The following ERBB4 variants were observed in gnomAD, a reference collection of about 807,000 sequenced individuals.
The protein encoded by ERBB4 is receptor tyrosine-protein kinase erbB-4.
A neutral mutation model predicts 158.0 loss-of-function variants in ERBB4; 42 were observed. The observed-to-expected ratio is 0.27, with a 90% CI of 0.21 to 0.34. ERBB4 has a LOEUF of 0.34. Ranked by LOEUF, ERBB4 falls within the 10% of genes least tolerant of loss-of-function variation. The pLI, the probability that ERBB4 is intolerant of heterozygous loss-of-function variation, is 1.00. For synonymous variants in ERBB4, 583 were observed against 558.7 expected (o/e 1.04, Z -0.61); for missense variants, 1,333 against 1,624.1 (o/e 0.82, Z 3.08).
chr2:211,447,089 T>G (rs2064129501), intron 20 of ERBB4, among the ~76,000 whole-genome samples: 1 of 152,172 alleles, frequency 6.6e-6, no homozygotes, highest in Non-Finnish European at 1.5e-5. Context: ...CAAAAATCAG[T>G]GGGTTTCTTT....
chr2:211,734,933 ACG>A, intron 5 of ERBB4, among the ~76,000 whole-genome samples: 1 of 139,340 alleles, frequency 7.2e-6, no homozygotes, highest in South Asian at 2.2e-4. Context: ...AAAAAAAAAG[ACG>A]GATTGTTCTC....
At position 211,679,129 on chromosome 2, in the gene ERBB4, A is replaced by G. The variant is rs2105959740; in HGVS notation, c.1545T>C (p.Pro515=). ...HLCSSDGCWG[P]GPDQCLSCRR... ...GACACGACAGACATTGGTCTGGCCCAGGTCCCCAACAGCCATCACTGGAAC... is the reference window on the plus strand; with the variant it reads ...GACACGACAGACATTGGTCTGGCCCGGGTCCCCAACAGCCATCACTGGAAC... Residue 515 remains proline, a synonymous_variant, in exon 13 of 28, where the codon CCT becomes CCC. Coordinates refer to ENST00000342788, the MANE Select transcript of ERBB4 (RefSeq NM_005235.3). 6.2e-7 allele frequency: 1 copy of G among 1,614,032 alleles called. No homozygotes were observed. The highest frequency in any genetic ancestry group is 8.5e-7 in the Non-Finnish European group (1 of 1,179,952).
At chr2:211,967,814 A>T (rs960000360) in intron 2 of ERBB4, among the ~76,000 whole-genome samples, 3 of 151,962 alleles carry the variant, frequency 2.0e-5, no homozygotes, top group Admixed American at 2.0e-4. Flanking sequence ...CATTAGTTAA[A>T]ATTCTGCAGG....
At chr2:211,584,522 A>G (rs2068204955) in intron 19 of ERBB4, among the ~76,000 whole-genome samples, 2 of 152,096 alleles carry the variant, frequency 1.3e-5, no homozygotes, top group Admixed American at 1.3e-4. Context: ...TGGTTTCTTG[A>G]TCCGTGAAAA....
chr2:212,198,601 G>A (rs1012769269), intron 1 of ERBB4, among the ~76,000 whole-genome samples: 3 of 152,090 alleles, frequency 2.0e-5, no homozygotes, highest in African/African-American at 7.2e-5. Flanking sequence ...TTTAGCTGGA[G>A]TCTTGCTCTG....
At chr2:211,477,343 CAT>C (rs1179659397) in intron 20 of ERBB4, among the ~76,000 whole-genome samples, 1 of 152,068 alleles carries the variant, frequency 6.6e-6, no homozygotes, top group Non-Finnish European at 1.5e-5. Context: ...CACATACTAA[CAT>C]ACACACATTT....
intron 12 of ERBB4, among the ~76,000 whole-genome samples, chr2:211,696,940 G>A (rs2073046082): frequency 6.6e-6 from 1 of 152,178 alleles, no homozygotes; most frequent in South Asian, 2.1e-4. Flanking sequence ...AAAGTGCTGG[G>A]ATTACAGGCG....
chr2:211,735,144 T>A (rs2074563061), intron 5 of ERBB4, among the ~76,000 whole-genome samples: 1 of 151,704 alleles, frequency 6.6e-6, no homozygotes, highest in South Asian at 2.1e-4. Flanking sequence ...TATAAAAAAA[T>A]GTAGGTTGAG....
At chr2:211,847,583 C>G (rs1309643888) in intron 3 of ERBB4, among the ~76,000 whole-genome samples, 1 of 152,100 alleles carries the variant, frequency 6.6e-6, no homozygotes, top group Non-Finnish European at 1.5e-5. Flanking sequence ...CCCAGAACAG[C>G]TTTGAATGTG....
At chr2:212,192,022 T>TTA (rs767324608) in intron 1 of ERBB4, among the ~76,000 whole-genome samples, 2 of 52,900 alleles carry the variant, frequency 3.8e-5, no homozygotes, top group African/African-American at 1.8e-4. Context: ...ATGTTATATG[T>TTA]TATATATGTT....
intron 1 of ERBB4, among the ~76,000 whole-genome samples, chr2:212,501,169 T>C (rs1690869353): frequency 6.6e-6 from 1 of 152,128 alleles, no homozygotes; most frequent in African/African-American, 2.4e-5. Context: ...GCCACACATC[T>C]AATGACACAA....
chr2:211,420,687 A>C (rs1201343293), intron 24 of ERBB4, 76 bp from the exon 25 acceptor site: 2 of 1,250,838 alleles, frequency 1.6e-6, no homozygotes, highest in Non-Finnish European at 2.3e-6. Flanking sequence ...CAATAAATTT[A>C]TGTAATATCA....
chr2:212,352,129 A>G (rs1244350974), intron 1 of ERBB4, among the ~76,000 whole-genome samples: 1 of 152,138 alleles, frequency 6.6e-6, no homozygotes, highest in East Asian at 1.9e-4. Flanking sequence ...GAACATATAG[A>G]CAAAAAGAGG....
At chr2:211,682,483 C>T (rs1272271995) in intron 12 of ERBB4, among the ~76,000 whole-genome samples, 3 of 152,034 alleles carry the variant, frequency 2.0e-5, no homozygotes, top group African/African-American at 7.3e-5. Context: ...CAGACATGTC[C>T]AGAAATGATA....
At chr2:211,840,178 T>C (rs887470529) in intron 3 of ERBB4, among the ~76,000 whole-genome samples, 2 of 152,014 alleles carry the variant, frequency 1.3e-5, no homozygotes, top group African/African-American at 4.8e-5. Context: ...GGGTCTTTCC[T>C]GTGCTGTTCT....
chr2:211,718,915 T>C (rs1193171682), intron 7 of ERBB4, among the ~76,000 whole-genome samples: 1 of 152,208 alleles, frequency 6.6e-6, no homozygotes, highest in Non-Finnish European at 1.5e-5. Flanking sequence ...TACACTGTTT[T>C]ATTTTCTTAG....
chr2:211,696,601 T>C (rs1455564158), intron 12 of ERBB4, among the ~76,000 whole-genome samples: 2 of 152,152 alleles, frequency 1.3e-5, no homozygotes, highest in Admixed American at 6.5e-5. Flanking sequence ...ATATGTTATA[T>C]AGGGTATACT....
At chr2:212,499,472 C>T (rs1690762478) in intron 1 of ERBB4, among the ~76,000 whole-genome samples, 1 of 151,932 alleles carries the variant, frequency 6.6e-6, no homozygotes, top group Non-Finnish European at 1.5e-5. Context: ...AGGTATAAAT[C>T]CACTGTTCCC....
At chr2:212,193,073 C>G (rs2082321061) in intron 1 of ERBB4, among the ~76,000 whole-genome samples, 1 of 152,130 alleles carries the variant, frequency 6.6e-6, no homozygotes. Context: ...AACTTTCCTG[C>G]CAGCTCCTGC....
Sources: allele counts gnomAD v4.1 joint callset (sites outside exome capture counted in the v4.1 genomes callset), GRCh38; gene constraint gnomAD v4.1.1; transcripts MANE v1.5; gene names NCBI Gene and HGNC (gene_info 2026-07-23, HGNC 2026-07-21).